SHISA9: variants seen among roughly 807,000 people sequenced by gnomAD.
The protein encoded by SHISA9 is protein shisa-9.
A neutral mutation model predicts 38.0 loss-of-function variants in SHISA9; 13 were observed. The observed-to-expected ratio is 0.34, with a 90% CI of 0.22 to 0.54. The LOEUF is 0.54. SHISA9 is among the 20% of genes least tolerant of loss of function. The pLI, the probability that SHISA9 is intolerant of heterozygous loss-of-function variation, is 0.91. For missense variants in SHISA9, 538 were observed against 575.8 expected (o/e 0.93, Z 0.67); for synonymous variants, 275 against 242.0 (o/e 1.14, Z -1.27).
chr16:13,046,567 C>A (rs1032971803), intron 2 of SHISA9, among the ~76,000 whole-genome samples: 1 of 152,212 alleles, frequency 6.6e-6, no homozygotes, highest in African/African-American at 2.4e-5. Context: ...CTGTGCAAAG[C>A]AGGCAGGGCA....
At chr16:13,207,966 T>A (rs1188142321) in intron 3 of SHISA9, among the ~76,000 whole-genome samples, 1 of 152,202 alleles carries the variant, frequency 6.6e-6, no homozygotes, top group Non-Finnish European at 1.5e-5. Context: ...TAGACAATCT[T>A]TAGCATTCAC....
intron 2 of SHISA9, among the ~76,000 whole-genome samples, chr16:12,917,440 G>T (rs982808333): frequency 6.6e-6 from 1 of 151,782 alleles, no homozygotes; most frequent in Admixed American, 6.6e-5. Flanking sequence ...CGTTTCCATT[G>T]TTCTGCCAGG....
intron 2 of SHISA9, among the ~76,000 whole-genome samples, chr16:12,949,282 A>G (rs570647383): frequency 1.3e-5 from 2 of 152,380 alleles, no homozygotes; most frequent in South Asian, 4.1e-4. Context: ...ACTGGAGCCC[A>G]GCCACAGCCT....
chr16:13,237,725 A>G lies in SHISA9; in HGVS notation c.*2316A>G, dbSNP rs1396900534. 6.6e-6 allele frequency: 1 copy of G among 151,988 alleles called. No individual in the cohort carries two copies. Among genetic ancestry groups the G allele is most frequent in the Non-Finnish European group, 1.5e-5 (1 of 68,004 alleles). 9.4% of individuals were successfully genotyped at this position (151,988 alleles called of 1,614,324 possible). On this transcript the variant is annotated 3_prime_UTR_variant, in exon 5 of 5. Transcript: ENST00000558583. ...CATAATAGGAGATCTCCATGTATAA[A>G]AAGGTACCATGCTGTACAAAGCTGG...
intron 2 of SHISA9, among the ~76,000 whole-genome samples, chr16:13,148,856 TG>T (rs1309930676): frequency 6.6e-6 from 1 of 152,104 alleles, no homozygotes; most frequent in African/African-American, 2.4e-5. Flanking sequence ...AAAAAGTTTA[TG>T]GGGAAATAAA....
chr16:13,362,230 G>GCAAAAC, the SHISA9 span, among the ~76,000 whole-genome samples: 5 of 102,656 alleles, frequency 4.9e-5, no homozygotes, highest in East Asian at 1.6e-3. Flanking sequence ...AAAAAAAAAA[G>GCAAAAC]CAAAACCAAA....
chr16:13,247,752 C>G, the SHISA9 span, among the ~76,000 whole-genome samples: 2 of 152,140 alleles, frequency 1.3e-5, no homozygotes, highest in Non-Finnish European at 2.9e-5. Context: ...ATAATTTTGT[C>G]ACATCCTCTT....
chr16:12,902,474 G>T lies in SHISA9; in HGVS notation c.410G>T (p.Arg137Leu), dbSNP rs1315296858. Residue 137 changes from arginine to leucine, a missense_variant, in exon 1 of 5, where the codon CGC (arginine) becomes CTC (leucine). Transcript: ENST00000558583. ...CTCAACACCGGCAAGCCCCCCGCCC[G>T]CAAGGACGACCCCTTGCACGACCCC... ...LWLNTGKPPA[R>L]KDDPLHDPTK... The T allele has an allele frequency of 1.9e-6, 3 of 1,551,216 alleles. No individual in the cohort carries two copies. Among genetic ancestry groups the T allele is most frequent in the African/African-American group, 2.7e-5 (2 of 72,994 alleles).
At chr16:13,553,909 A>C in the SHISA9 span, among the ~76,000 whole-genome samples, 1 of 152,164 alleles carries the variant, frequency 6.6e-6, no homozygotes, top group Non-Finnish European at 1.5e-5. Flanking sequence ...ATGATGATCC[A>C]CATCTCATTG....
chr16:13,159,045 C>T (rs1266378704), intron 2 of SHISA9, among the ~76,000 whole-genome samples: 4 of 141,806 alleles, frequency 2.8e-5, no homozygotes, highest in East Asian at 4.3e-4. Context: ...GGTGACAGAG[C>T]GAGACTCTGT....
the SHISA9 span, among the ~76,000 whole-genome samples, chr16:13,335,573 A>T: frequency 2.6e-5 from 4 of 152,232 alleles, no homozygotes; most frequent in Non-Finnish European, 5.9e-5. Flanking sequence ...AATCAGAGAC[A>T]GGTCATGCAA....
At chr16:13,361,849 C>G in the SHISA9 span, among the ~76,000 whole-genome samples, 2 of 152,102 alleles carry the variant, frequency 1.3e-5, no homozygotes, top group Non-Finnish European at 2.9e-5. Context: ...GATGAACAAG[C>G]CTTCATATAA....
intron 2 of SHISA9, among the ~76,000 whole-genome samples, chr16:13,059,276 C>T (rs562022911): frequency 2.5e-4 from 38 of 151,832 alleles, no homozygotes; most frequent in African/African-American, 8.9e-4. Flanking sequence ...TACAGGTGGC[C>T]GCCACCATGC....
the SHISA9 span, among the ~76,000 whole-genome samples, chr16:13,552,155 G>T: frequency 6.6e-6 from 1 of 152,096 alleles, no homozygotes; most frequent in Admixed American, 6.5e-5. Context: ...TAAGATGCAG[G>T]CTTCTCCAGA....
chr16:13,254,689 G>T, the SHISA9 span, among the ~76,000 whole-genome samples: 11 of 152,340 alleles, frequency 7.2e-5, no homozygotes, highest in African/African-American at 2.6e-4. Context: ...GAGTCTTTCA[G>T]GTGGCAAATT....
chr16:12,950,426 G>A (rs1343976207), intron 2 of SHISA9, among the ~76,000 whole-genome samples: 2 of 152,094 alleles, frequency 1.3e-5, no homozygotes, highest in African/African-American at 4.8e-5. Context: ...ATCACAATGA[G>A]AAATCATTTC....
intron 2 of SHISA9, among the ~76,000 whole-genome samples, chr16:12,921,728 T>C (rs535146650): frequency 6.6e-6 from 1 of 152,262 alleles, no homozygotes; most frequent in East Asian, 1.9e-4. Context: ...ATCACACCAC[T>C]GCACTCTAGC....
At chr16:13,389,495 C>G in the SHISA9 span, among the ~76,000 whole-genome samples, 1 of 152,156 alleles carries the variant, frequency 6.6e-6, no homozygotes, top group African/African-American at 2.4e-5. Context: ...TGCTGTACAT[C>G]TTAAATATAT....
intron 2 of SHISA9, among the ~76,000 whole-genome samples, chr16:12,920,435 A>T (rs936336178): frequency 5.9e-5 from 9 of 152,216 alleles, no homozygotes; most frequent in Admixed American, 2.6e-4. Flanking sequence ...TTGATAGCAC[A>T]ACAGGGTGAC....
Sources: gnomAD v4.1 joint callset for allele counts (sites outside exome capture counted in the v4.1 genomes callset) on GRCh38, gnomAD v4.1.1 for gene constraint, MANE v1.5 for transcripts, NCBI Gene and HGNC (gene_info 2026-07-23, HGNC 2026-07-21) for gene names.